UBASH3B: variants seen among roughly 807,000 people sequenced by gnomAD.
UBASH3B encodes the protein ubiquitin associated and SH3 domain containing B.
A neutral mutation model predicts 83.4 loss-of-function variants in UBASH3B; 37 were observed. The observed-to-expected ratio is 0.44, with a 90% CI of 0.34 to 0.58. The LOEUF (loss-of-function observed/expected upper bound fraction) is 0.58. Among genes scored for constraint, UBASH3B ranks in the 20% least tolerant of loss-of-function variants. The probability of loss-of-function intolerance (pLI) is 0.01; values close to 1 mark genes in which losing one functional copy is unlikely to be tolerated. For missense variants in UBASH3B, 657 were observed against 827.2 expected (o/e 0.79, Z 2.52); for synonymous variants, 304 against 318.3 (o/e 0.96, Z 0.48).
At position 122,809,502 on chromosome 11, in the gene UBASH3B, T is replaced by G. The variant is rs192635585; in HGVS notation, c.1813-247T>G. ...TCTATGAACAATGACTTAATTACTT[T>G]AGGGGAGGTCACCATTTAATGGATC... On this transcript the variant is annotated intron_variant, in intron 13 of 13. Transcript: ENST00000284273. Among the ~76,000 whole-genome samples the G allele has an allele frequency of 1.6e-3, 243 of 152,346 alleles. 2 individuals are homozygous for G. Among genetic ancestry groups the G allele is most frequent in the Non-Finnish European group, 2.8e-3 (193 of 68,030 alleles).
At chr11:122,794,619 T>A in intron 6 of UBASH3B, 83 bp from the exon 7 acceptor site, 1 of 1,579,540 alleles carries the variant, frequency 6.3e-7, no homozygotes, top group Non-Finnish European at 8.6e-7. Context: ...TTGAGTTAAC[T>A]CCCACACTCC....
intron 12 of UBASH3B, 81 bp from the exon 13 acceptor site, chr11:122,807,986 C>A: frequency 9.4e-7 from 1 of 1,066,264 alleles, no homozygotes. Flanking sequence ...CCCTGCAGAG[C>A]ATTTAGTTAG....
intron 1 of UBASH3B, among the ~76,000 whole-genome samples, chr11:122,710,279 A>C (rs1864175102): frequency 6.6e-6 from 1 of 152,162 alleles, no homozygotes; most frequent in Non-Finnish European, 1.5e-5. Flanking sequence ...GACAGAGGTA[A>C]ATGCAGTTTA....
intron 1 of UBASH3B, among the ~76,000 whole-genome samples, chr11:122,721,235 A>G (rs1263153478): frequency 7.6e-6 from 1 of 131,636 alleles, no homozygotes; most frequent in Admixed American, 7.8e-5. Flanking sequence ...ACAGAGCAAG[A>G]CTGTGTCTCA....
At chr11:122,720,960 A>T (rs1396074163) in intron 1 of UBASH3B, among the ~76,000 whole-genome samples, 2 of 151,540 alleles carry the variant, frequency 1.3e-5, no homozygotes, top group African/African-American at 2.4e-5. Flanking sequence ...AGAATGAATG[A>T]CTCGGCCAGG....
rs10892895 is a variant in UBASH3B at position 122,759,964 on chromosome 11, T to C, written c.162-16255T>C. ...ACCTACACTTGAGGGGAGGGAATTATACAAAGGAGTGAACACCAGAAGTTA... is the reference window on the plus strand; with the variant it reads ...ACCTACACTTGAGGGGAGGGAATTACACAAAGGAGTGAACACCAGAAGTTA... On this transcript the variant is annotated intron_variant, in intron 1 of 13. Coordinates refer to ENST00000284273, the MANE Select transcript of UBASH3B (RefSeq NM_032873.5). This position sits in a 1 kb window ranked among gnomAD's most constrained non-coding sequence, Gnocchi z 4.1. Among the ~76,000 whole-genome samples, 15,402 of 152,260 alleles carry C rather than the reference T, an allele frequency of 0.1. 981 individuals carry two copies. Among genetic ancestry groups the C allele is most frequent in the African/African-American group, 0.18 (7,587 of 41,530 alleles).
intron 5 of UBASH3B, among the ~76,000 whole-genome samples, chr11:122,786,779 C>T (rs1462496494): frequency 6.6e-6 from 1 of 152,196 alleles, no homozygotes; most frequent in Non-Finnish European, 1.5e-5. Context: ...TTTGTATCTG[C>T]TTTTGGTGAG....
At chr11:122,703,771 C>A (rs997025987) in intron 1 of UBASH3B, among the ~76,000 whole-genome samples, 14 of 152,154 alleles carry the variant, frequency 9.2e-5, no homozygotes. Flanking sequence ...GACTGGGATT[C>A]TAAAAGCAAG....
intron 1 of UBASH3B, among the ~76,000 whole-genome samples, chr11:122,731,546 G>A (rs1391377970): frequency 1.3e-5 from 2 of 149,820 alleles, no homozygotes; most frequent in African/African-American, 4.9e-5. Context: ...ATAACTAAGT[G>A]ACTAACAGGC....
Position 122,759,797 on chromosome 11 carries a change from G to A in UBASH3B, c.162-16422G>A, listed in dbSNP as rs1256563535. 6.6e-6 allele frequency among the ~76,000 whole-genome samples: 1 copy of A among 152,236 alleles called. No individual in the cohort carries two copies. The highest frequency in any genetic ancestry group is 1.5e-5 in the Non-Finnish European group (1 of 68,044). On this transcript the variant is annotated intron_variant, in intron 1 of 13. Transcript: ENST00000284273. This position sits in a 1 kb window ranked among gnomAD's most constrained non-coding sequence, Gnocchi z 4.1. ...GCCTGCCTGCCTGCTGTGCAGCCTG[G>A]CTCCTAACAGGCCACGTACCAGTAC...
At position 122,717,994 on chromosome 11, in the gene UBASH3B, T is replaced by C. The variant is rs117371268; in HGVS notation, c.162-58225T>C. On this transcript the variant is annotated intron_variant, in intron 1 of 13. Coordinates refer to ENST00000284273, the MANE Select transcript of UBASH3B (RefSeq NM_032873.5). ...TGGAGTGCAGTGGCGCCATCTTGGC[T>C]CACCGTAACCTTCGCCTCCTGGGTT... Among the ~76,000 whole-genome samples, 1,076 of 152,016 alleles carry C rather than the reference T, an allele frequency of 7.1e-3. 32 individuals carry two copies. The East Asian group carries it at 0.11, about 15-fold the overall frequency.
chr11:122,805,096 A>G (rs149947205), intron 11 of UBASH3B, among the ~76,000 whole-genome samples: 17 of 152,346 alleles, frequency 1.1e-4, no homozygotes, highest in East Asian at 5.8e-4. Flanking sequence ...TACAAAAGAA[A>G]GAGGTTTAAC....
chr11:122,721,566 T>C (rs1242740285), intron 1 of UBASH3B, among the ~76,000 whole-genome samples: 1 of 152,196 alleles, frequency 6.6e-6, no homozygotes, highest in African/African-American at 2.4e-5. Flanking sequence ...GAAAGAATCC[T>C]TGTTCAAACA....
intron 1 of UBASH3B, among the ~76,000 whole-genome samples, chr11:122,661,412 C>G (rs1024913734): frequency 6.6e-6 from 1 of 152,184 alleles, no homozygotes; most frequent in Admixed American, 6.5e-5. Context: ...TGTTGGTTGA[C>G]ATTGGATCCT....
intron 1 of UBASH3B, among the ~76,000 whole-genome samples, chr11:122,688,782 C>CT (rs1863845205): frequency 6.6e-6 from 1 of 151,986 alleles, no homozygotes; most frequent in Non-Finnish European, 1.5e-5. Context: ...GTAGCTGGGA[C>CT]TACAGGCGCC....
At chr11:122,772,293 TA>T (rs1860658807) in intron 1 of UBASH3B, among the ~76,000 whole-genome samples, 1 of 152,206 alleles carries the variant, frequency 6.6e-6, no homozygotes, top group South Asian at 2.1e-4. Flanking sequence ...GCTGCTTTTG[TA>T]TCTGACTCTC....
At chr11:122,809,311 G>A (rs1478979591) in intron 13 of UBASH3B, among the ~76,000 whole-genome samples, 1 of 152,214 alleles carries the variant, frequency 6.6e-6, no homozygotes, top group Non-Finnish European at 1.5e-5. Flanking sequence ...TTGACCTCAA[G>A]TGACCCGCCC....
chr11:122,673,713 T>G (rs1863629887), intron 1 of UBASH3B, among the ~76,000 whole-genome samples: 1 of 152,192 alleles, frequency 6.6e-6, no homozygotes, highest in South Asian at 2.1e-4. Flanking sequence ...CAATTTCTGA[T>G]GATGGAGAGA....
intron 1 of UBASH3B, among the ~76,000 whole-genome samples, chr11:122,756,644 A>G (rs1224315576): frequency 6.6e-6 from 1 of 152,182 alleles, no homozygotes; most frequent in Non-Finnish European, 1.5e-5. Flanking sequence ...AGGAAGTCAA[A>G]GGAGGAAGTT....
Sources: gnomAD v4.1 joint callset for allele counts (sites outside exome capture counted in the v4.1 genomes callset) on GRCh38, gnomAD v4.1.1 for gene constraint, Gnocchi (gnomAD v3.1) non-coding constraint, MANE v1.5 for transcripts, NCBI Gene and HGNC (gene_info 2026-07-23, HGNC 2026-07-21) for gene names.